The following ZNF532 variants were observed in gnomAD, a reference collection of about 807,000 sequenced individuals.
ZNF532 encodes the protein zinc finger protein 532.
ZNF532 carries 22 observed loss-of-function variants against 89.3 expected under a neutral mutation model. The observed-to-expected ratio is 0.25, with a 90% CI of 0.18 to 0.35. ZNF532 has a LOEUF of 0.35. Ranked by LOEUF, ZNF532 falls within the 10% of genes least tolerant of loss-of-function variation. The probability of loss-of-function intolerance (pLI) is 1.00; values close to 1 mark genes in which losing one functional copy is unlikely to be tolerated. For synonymous variants in ZNF532, 606 were observed against 649.6 expected (o/e 0.93, Z 1.02); for missense variants, 1,132 against 1,643.4 (o/e 0.69, Z 5.38).
chr18:58,866,742 G>A (rs1427987273), intron 2 of ZNF532, among the ~76,000 whole-genome samples: 1 of 152,216 alleles, frequency 6.6e-6, no homozygotes, highest in Non-Finnish European at 1.5e-5. Context: ...AAGTATGCAA[G>A]GGTTTTATTG....
At position 58,918,167 on chromosome 18, in the gene ZNF532, CTCTT is replaced by C. The variant is rs1041966006; in HGVS notation, c.-17-99_-17-96del. The stretch of plus-strand genomic sequence containing the variant: ...TACCGTAAATGCAGTTACCTCCTTG[CTCTT>C]TCTTAGTAATCGTTATGTTAGTGTG... On this transcript the variant is annotated intron_variant, in intron 2 of 9. Coordinates refer to ENST00000591808, the MANE Select transcript of ZNF532 (RefSeq NM_001375912.1). The C allele has an allele frequency of 1.3e-5, 14 of 1,077,826 alleles. No individual in the cohort carries two copies. The African/African-American group carries it at 1.4e-4, about 11-fold the overall frequency. 66.8% of individuals were successfully genotyped at this position (1,077,826 alleles called of 1,614,324 possible).
chr18:58,916,178 TTATTGTGAG>T (rs1237002855), intron 2 of ZNF532, among the ~76,000 whole-genome samples: 18 of 152,176 alleles, frequency 1.2e-4, no homozygotes, highest in Non-Finnish European at 2.6e-4. Context: ...AATGGCAGCT[TTATTGTGAG>T]TATTCCATTT....
chr18:58,963,474 T>C (rs964336595), intron 7 of ZNF532, among the ~76,000 whole-genome samples: 3 of 152,120 alleles, frequency 2.0e-5, no homozygotes, highest in Non-Finnish European at 2.9e-5. Flanking sequence ...AGGTGTGCTG[T>C]TGTTACTTTT....
intron 2 of ZNF532, among the ~76,000 whole-genome samples, chr18:58,892,548 A>G (rs1460174191): frequency 6.6e-6 from 1 of 152,236 alleles, no homozygotes; most frequent in Non-Finnish European, 1.5e-5. Flanking sequence ...TCTGTTGCTT[A>G]TACTTCTGGG....
rs761906578 is a variant in ZNF532, at chr18:58,918,274, A to G, written c.-14A>G. ...CTATTTTCTGCTCATTTAACAGAAC[A>G]TCTGCTCAAATTAATGACCATGGGG... On this transcript the variant is annotated 5_prime_UTR_variant, in exon 3 of 10. Transcript: ENST00000591808. 2 of 1,606,946 alleles carry G rather than the reference A, an allele frequency of 1.2e-6. No individual in the cohort carries two copies. Among genetic ancestry groups the G allele is most frequent in the Non-Finnish European group, 1.7e-6 (2 of 1,175,550 alleles).
chr18:58,932,815 A>G (rs962805151), intron 3 of ZNF532, among the ~76,000 whole-genome samples: 1 of 152,120 alleles, frequency 6.6e-6, no homozygotes, highest in African/African-American at 2.4e-5. Context: ...ACCAATCTAT[A>G]TATTTTAATA....
intron 2 of ZNF532, among the ~76,000 whole-genome samples, chr18:58,872,095 A>G (rs1447945275): frequency 6.6e-6 from 1 of 152,234 alleles, no homozygotes. Flanking sequence ...GGAGACTGAA[A>G]TAAGTAATTT....
chr18:58,902,514 T>TG (rs770779850), intron 2 of ZNF532, among the ~76,000 whole-genome samples: 2 of 150,978 alleles, frequency 1.3e-5, no homozygotes, highest in African/African-American at 2.4e-5. Context: ...TTTTTTGAGA[T>TG]GGAGTTTTGC....
chr18:58,866,228 C>T (rs745929469), intron 2 of ZNF532, among the ~76,000 whole-genome samples: 2 of 152,180 alleles, frequency 1.3e-5, no homozygotes, highest in Non-Finnish European at 2.9e-5. Flanking sequence ...CCTGTTAACT[C>T]AAAGCTGTAC....
intron 5 of ZNF532, among the ~76,000 whole-genome samples, chr18:58,942,446 A>G (rs2063275617): frequency 6.6e-6 from 1 of 150,786 alleles, no homozygotes; most frequent in Non-Finnish European, 1.5e-5. Flanking sequence ...ATTTTAAATT[A>G]TAAAAATGAA....
chr18:58,915,639 G>A (rs183119470), intron 2 of ZNF532, among the ~76,000 whole-genome samples: 45 of 152,278 alleles, frequency 3.0e-4, no homozygotes, highest in African/African-American at 9.6e-4. Flanking sequence ...CTGTGCATGC[G>A]TTTATAAATC....
chr18:58,914,336 A>G (rs1205133950), intron 2 of ZNF532, among the ~76,000 whole-genome samples: 1 of 152,262 alleles, frequency 6.6e-6, no homozygotes, highest in East Asian at 1.9e-4. Context: ...TACATTAAGC[A>G]CAAATGCTAT....
rs142412940 is a variant in ZNF532 at position 58,984,524 on chromosome 18, G to A, written c.*58G>A. The stretch of plus-strand genomic sequence containing the variant: ...ACATTGGAATAAAAAAGACATTTTT[G>A]TTACAAAGTTTGCAGTATAATAGAG... On this transcript the variant is annotated 3_prime_UTR_variant, in exon 10 of 10. Transcript: ENST00000591808. The A allele has an allele frequency of 3.4e-5, 53 of 1,548,478 alleles. No individual in the cohort carries two copies. The African/African-American group carries it at 4.7e-4, about 14-fold the overall frequency.
intron 3 of ZNF532, chr18:58,931,562 T>C (rs1456687157): frequency 6.6e-6 from 1 of 152,164 alleles, no homozygotes; most frequent in African/African-American, 2.4e-5. Flanking sequence ...GCAAATGATG[T>C]CATGTGAGTT....
chr18:58,905,558 C>G (rs1428330743), intron 2 of ZNF532, among the ~76,000 whole-genome samples: 3 of 152,084 alleles, frequency 2.0e-5, no homozygotes, highest in Admixed American at 6.5e-5. Flanking sequence ...CTCCACCACG[C>G]CCATCTAAAT....
chr18:58,923,630 AAAGAG>A, intron 3 of ZNF532, among the ~76,000 whole-genome samples: 1 of 152,092 alleles, frequency 6.6e-6, no homozygotes, highest in Non-Finnish European at 1.5e-5. Context: ...GGAGAAAAGA[AAAGAG>A]AAAATAGCCT....
intron 3 of ZNF532, among the ~76,000 whole-genome samples, chr18:58,925,742 T>C (rs1016000576): frequency 3.3e-5 from 5 of 152,256 alleles, no homozygotes; most frequent in African/African-American, 9.6e-5. Context: ...ATTCTGTGAT[T>C]TACATTTAAG....
At position 58,916,775 on chromosome 18, in the gene ZNF532, G is replaced by A. The variant is rs1043360926; in HGVS notation, c.-17-1496G>A. ...TAGCAGCTGTTGATAGATTTGTGGTGTATATGAGTTTTCTCAGGCATGTGT... is the reference window on the plus strand; with the variant it reads ...TAGCAGCTGTTGATAGATTTGTGGTATATATGAGTTTTCTCAGGCATGTGT... On this transcript the variant is annotated intron_variant, in intron 2 of 9. Transcript: ENST00000591808. The A allele has an allele frequency of 6.1e-6, 6 of 978,150 alleles. No homozygotes were observed. In the African/African-American group the frequency reaches 1.1e-4, roughly 17 times the overall value. 60.6% of individuals were successfully genotyped at this position (978,150 alleles called of 1,614,324 possible).
At chr18:58,909,497 A>C (rs1015845661) in intron 2 of ZNF532, among the ~76,000 whole-genome samples, 11 of 152,190 alleles carry the variant, frequency 7.2e-5, no homozygotes, top group African/African-American at 2.7e-4. Flanking sequence ...GTTGCCTTTC[A>C]ACAAAGGTAG....
Sources: gnomAD v4.1 joint callset for allele counts (sites outside exome capture counted in the v4.1 genomes callset) on GRCh38, gnomAD v4.1.1 for gene constraint, MANE v1.5 for transcripts, NCBI Gene and HGNC (gene_info 2026-07-23, HGNC 2026-07-21) for gene names.